Variants in UNC79 observed in about 807,000 individuals in gnomAD.
The protein encoded by UNC79 is unc-79 subunit of NALCN channel complex.
Under a neutral mutation model 283.1 loss-of-function variants are expected in UNC79, and 37 were observed. That is an observed-to-expected ratio of 0.13 (90% CI 0.10 to 0.17). The LOEUF is 0.17. Ranked by LOEUF, UNC79 falls within the 10% of genes least tolerant of loss-of-function variation. The pLI is 1.00. For synonymous variants in UNC79, 1,107 were observed against 1,200.2 expected (o/e 0.92, Z 1.61); for missense variants, 2,272 against 3,211.1 (o/e 0.71, Z 7.07).
chr14:93,493,981 GC>G, intron 5 of UNC79, among the ~76,000 whole-genome samples: 1 of 140,660 alleles, frequency 7.1e-6, no homozygotes, highest in East Asian at 2.1e-4. Context: ...TCAGCTCACT[GC>G]AACTTCCGCC....
intron 31 of UNC79, among the ~76,000 whole-genome samples, chr14:93,633,939 G>A (rs756117352): frequency 6.6e-6 from 1 of 152,090 alleles, no homozygotes; most frequent in Non-Finnish European, 1.5e-5. Flanking sequence ...CATTGACTTT[G>A]GAGTTGATAT....
At chr14:93,576,464 G>A (rs981288539) in intron 17 of UNC79, among the ~76,000 whole-genome samples, 5 of 152,148 alleles carry the variant, frequency 3.3e-5, no homozygotes, top group African/African-American at 1.2e-4. Context: ...AGAGAAATAT[G>A]ATTTGAGAGT....
intron 11 of UNC79, among the ~76,000 whole-genome samples, chr14:93,533,697 G>A (rs2060934277): frequency 6.6e-6 from 1 of 152,170 alleles, no homozygotes; most frequent in Non-Finnish European, 1.5e-5. Flanking sequence ...CATCATTTCT[G>A]TAGCATTCAA....
At chr14:93,681,482 A>G (rs2140816815) in intron 41 of UNC79, among the ~76,000 whole-genome samples, 1 of 152,262 alleles carries the variant, frequency 6.6e-6, no homozygotes, top group East Asian at 1.9e-4. Flanking sequence ...CCTTTGTTCC[A>G]TGCCTCCTTA....
intron 22 of UNC79, among the ~76,000 whole-genome samples, chr14:93,591,515 A>G (rs116019613): frequency 0.017 from 2,657 of 152,328 alleles, 78 homozygotes; most frequent in African/African-American, 0.06. Context: ...AGAAAAGAAA[A>G]TGTTATTGAG....
chr14:93,357,006 C>T (rs1224475836), intron 1 of UNC79, among the ~76,000 whole-genome samples: 1 of 152,180 alleles, frequency 6.6e-6, no homozygotes, highest in Non-Finnish European at 1.5e-5. Context: ...TCTCACCCTC[C>T]TTCCACCCTT....
chr14:93,595,694 C>G (rs887241354), intron 23 of UNC79, among the ~76,000 whole-genome samples: 1 of 152,128 alleles, frequency 6.6e-6, no homozygotes. Context: ...CCTTCTAGGT[C>G]CCCCCTGTGG....
At chr14:93,519,789 C>CAT (rs2060237002) in intron 7 of UNC79, among the ~76,000 whole-genome samples, 1 of 151,788 alleles carries the variant, frequency 6.6e-6, no homozygotes, top group Admixed American at 6.6e-5. Context: ...TATCAGTTTA[C>CAT]ATATAATGTA....
chr14:93,586,503 T>A, intron 20 of UNC79, 93 bp from the exon 21 acceptor site: 1 of 1,185,002 alleles, frequency 8.4e-7, no homozygotes, highest in Non-Finnish European at 1.2e-6. Flanking sequence ...TGTCAATTTT[T>A]TACTCTTCTT....
intron 1 of UNC79, chr14:93,347,315 G>T: frequency 1.9e-6 from 3 of 1,604,964 alleles, no homozygotes; most frequent in Non-Finnish European, 8.5e-7. Flanking sequence ...CACTACCGCC[G>T]CTTGGCCCTG....
chr14:93,534,976 T>C (rs2061001993), intron 11 of UNC79, among the ~76,000 whole-genome samples: 1 of 152,256 alleles, frequency 6.6e-6, no homozygotes, highest in African/African-American at 2.4e-5. Flanking sequence ...GGGTAGTTTG[T>C]ATTCTACCTC....
Position 93,377,420 on chromosome 14 carries a change from G to A in UNC79, c.-351+43897G>A, listed in dbSNP as rs150243607. The stretch of plus-strand genomic sequence containing the variant: ...AGAATAGTTGTTTCTTAAAGAAAAC[G>A]GTGATGTACTGAGGGTTGAGGGCTT... On this transcript the variant is annotated intron_variant, in intron 1 of 49. Transcript: ENST00000256339. 6.3e-3 allele frequency among the ~76,000 whole-genome samples: 953 copies of A among 152,148 alleles called. 12 individuals carry two copies. Among genetic ancestry groups the A allele is most frequent in the Middle Eastern group, 0.051 (15 of 294 alleles).
chr14:93,507,452 T>G (rs2059602859), intron 7 of UNC79, among the ~76,000 whole-genome samples: 1 of 152,232 alleles, frequency 6.6e-6, no homozygotes, highest in Non-Finnish European at 1.5e-5. Context: ...GGCTTTAATT[T>G]AAATTTCTTT....
intron 7 of UNC79, among the ~76,000 whole-genome samples, chr14:93,523,007 A>G (rs1477769980): frequency 3.3e-5 from 5 of 152,174 alleles, no homozygotes; most frequent in Non-Finnish European, 7.4e-5. Flanking sequence ...TAACTAAGTA[A>G]GAATATCTTC....
chr14:93,463,643 C>G (rs1227153546), intron 1 of UNC79, among the ~76,000 whole-genome samples: 2 of 152,136 alleles, frequency 1.3e-5, no homozygotes, highest in African/African-American at 4.8e-5. Flanking sequence ...TTGACATCTA[C>G]TATTTAATAT....
chr14:93,561,297 G>C (rs2062534025), intron 14 of UNC79, among the ~76,000 whole-genome samples: 1 of 152,172 alleles, frequency 6.6e-6, no homozygotes, highest in Admixed American at 6.5e-5. Flanking sequence ...CCAAATATGG[G>C]GGGAGTAGAG....
At chr14:93,380,606 T>C (rs993908363) in intron 1 of UNC79, among the ~76,000 whole-genome samples, 3 of 152,196 alleles carry the variant, frequency 2.0e-5, no homozygotes, top group African/African-American at 7.2e-5. Flanking sequence ...AGAGCTTTGT[T>C]TGTGTGCATC....
Position 93,701,277 on chromosome 14 carries a change from G to A in UNC79, c.7549-3348G>A, listed in dbSNP as rs7146624. ...TGAAAAACATTGTTTTTTATAGTTTGTCTGGATTTTTAGTTGTCCCAGGCA... is the reference window on the plus strand; with the variant it reads ...TGAAAAACATTGTTTTTTATAGTTTATCTGGATTTTTAGTTGTCCCAGGCA... On this transcript the variant is annotated intron_variant, in intron 47 of 48. Transcript: ENST00000555664. Among the ~76,000 whole-genome samples, 1,510 of 152,244 alleles carry A rather than the reference G, an allele frequency of 9.9e-3. 19 individuals are homozygous for A. The highest frequency in any genetic ancestry group is 0.016 in the Non-Finnish European group (1,068 of 68,008).
intron 1 of UNC79, among the ~76,000 whole-genome samples, chr14:93,402,707 A>G (rs1045897864): frequency 6.6e-6 from 1 of 152,164 alleles, no homozygotes; most frequent in African/African-American, 2.4e-5. Flanking sequence ...TGAAATATTA[A>G]TATCAAATAG....
Sources: allele counts gnomAD v4.1 joint callset (sites outside exome capture counted in the v4.1 genomes callset), GRCh38; gene constraint gnomAD v4.1.1; transcripts MANE v1.5; gene names NCBI Gene and HGNC (gene_info 2026-07-23, HGNC 2026-07-21).